The following GPHN variants were observed in gnomAD, a reference collection of about 807,000 sequenced individuals.
GPHN encodes the protein gephyrin.
Under a neutral mutation model 95.5 loss-of-function variants are expected in GPHN, and 17 were observed. The ratio of observed to expected loss-of-function variants is 0.18; its 90% CI spans 0.12 to 0.27. GPHN has a LOEUF of 0.27. Ranked by LOEUF, GPHN falls within the 10% of genes least tolerant of loss-of-function variation. The pLI, the probability that GPHN is intolerant of heterozygous loss-of-function variation, is 1.00. For synonymous variants in GPHN, 320 were observed against 322.5 expected (o/e 0.99, Z 0.08); for missense variants, 660 against 978.1 (o/e 0.67, Z 4.34).
chr14:67,217,317 C>T, the GPHN span, among the ~76,000 whole-genome samples: 6 of 152,172 alleles, frequency 3.9e-5, no homozygotes, highest in Non-Finnish European at 5.9e-5. Context: ...AAGTAAGTTT[C>T]ATGTAGGCAG....
intron 4 of GPHN, among the ~76,000 whole-genome samples, chr14:66,831,651 G>C (rs2153500111): frequency 6.6e-6 from 1 of 152,288 alleles, no homozygotes; most frequent in South Asian, 2.1e-4. Context: ...CTTAAGGCAA[G>C]TTGACCTGTT....
chr14:67,018,149 T>C lies in GPHN; in HGVS notation c.964-5484T>C, dbSNP rs142592746. On this transcript the variant is annotated intron_variant, in intron 9 of 22. Transcript: ENST00000478722. ...ATTATAAACTTCTATAAGTCCTATA[T>C]TAGAATTTCAAATAAGATGCCGTAA... Among the ~76,000 whole-genome samples the C allele has an allele frequency of 2.8e-4, 43 of 152,240 alleles. No individual in the cohort carries two copies. The East Asian group carries it at 6.0e-3, about 21-fold the overall frequency.
chr14:66,752,725 C>G (rs2058414562), intron 2 of GPHN, among the ~76,000 whole-genome samples: 1 of 151,912 alleles, frequency 6.6e-6, no homozygotes, highest in Admixed American at 6.6e-5. Context: ...TGAGCACATG[C>G]ACTTGGAAAA....
At chr14:67,312,743 T>A in the GPHN span, 1 of 1,427,242 alleles carries the variant, frequency 7.0e-7, no homozygotes, top group African/African-American at 1.4e-5. Flanking sequence ...GTACATAATA[T>A]TAAAAGAACA....
At chr14:67,126,789 A>G (rs1197573917) in intron 17 of GPHN, among the ~76,000 whole-genome samples, 2 of 151,874 alleles carry the variant, frequency 1.3e-5, no homozygotes, top group Admixed American at 6.6e-5. Context: ...ATAAAGACAC[A>G]TGCACACGTA....
At chr14:67,105,664 G>A (rs2077993327) in intron 13 of GPHN, among the ~76,000 whole-genome samples, 1 of 151,930 alleles carries the variant, frequency 6.6e-6, no homozygotes, top group Non-Finnish European at 1.5e-5. Context: ...ACCTGATTTT[G>A]GTTTCCATTT....
At chr14:67,291,045 T>G in the GPHN span, among the ~76,000 whole-genome samples, 5 of 152,120 alleles carry the variant, frequency 3.3e-5, no homozygotes, top group African/African-American at 9.7e-5. Context: ...ATAGAAACAG[T>G]GAAAGAAATC....
Position 66,642,559 on chromosome 14 carries a change from G to GTTTT in GPHN, c.65-38537_65-38534dup, listed in dbSNP as rs200424747. 4.3e-3 allele frequency among the ~76,000 whole-genome samples: 600 copies of GTTTT among 139,890 alleles called. 3 individuals carry two copies. The highest frequency in any genetic ancestry group is 9.3e-3 in the African/African-American group (362 of 38,834). The allele number at this position is 139,890 out of a possible 152,430, so 91.8% of individuals were successfully genotyped here. A position where few individuals can be genotyped will look rare whatever the true frequency, so the allele number is the denominator to read the frequency against. Reference sequence around the variant, plus strand: ...TCAGCAGGCAGACATTTTGATTTTTGTTTTTTTTTTTTTTGAAACTGGGAG... The same window carrying GTTTT: ...TCAGCAGGCAGACATTTTGATTTTTGTTTTTTTTTTTTTTTTTTGAAACTGGGAG... On this transcript the variant is annotated intron_variant, in intron 1 of 22. Coordinates refer to ENST00000478722, the MANE Select transcript of GPHN (RefSeq NM_020806.5).
chr14:67,656,574 G>C, the GPHN span: 1 of 1,606,910 alleles, frequency 6.2e-7, no homozygotes, highest in Non-Finnish European at 8.5e-7. Context: ...ATTGCCCTTT[G>C]AGACTGTAGC....
intron 1 of GPHN, among the ~76,000 whole-genome samples, chr14:66,673,364 A>G (rs932776753): frequency 2.0e-5 from 3 of 151,958 alleles, no homozygotes; most frequent in Non-Finnish European, 2.9e-5. Context: ...AGTGCCGGAA[A>G]TACAGGTGTG....
At chr14:66,922,517 A>G in intron 6 of GPHN, 149 bp from the exon 7 acceptor site, 1 of 635,788 alleles carries the variant, frequency 1.6e-6, no homozygotes, top group Non-Finnish European at 2.8e-6. Flanking sequence ...TTCATGGCAT[A>G]TTGCTAAGAC....
intron 11 of GPHN, among the ~76,000 whole-genome samples, chr14:67,084,363 C>A (rs1475416476): frequency 1.3e-5 from 2 of 152,102 alleles, no homozygotes; most frequent in Non-Finnish European, 2.9e-5. Context: ...CTCCCTTGAT[C>A]CTGTTTCATT....
At chr14:67,578,757 G>A in the GPHN span, 1 of 704,482 alleles carries the variant, frequency 1.4e-6, no homozygotes, top group Non-Finnish European at 2.6e-6. The surrounding 1 kb of genome is among the most constrained non-coding windows in gnomAD (Gnocchi z 5.0). Context: ...AGTGGTCGTG[G>A]AGACTTCACC....
chr14:67,396,787 A>G, the GPHN span, among the ~76,000 whole-genome samples: 25,515 of 135,690 alleles, frequency 0.19, no homozygotes, highest in African/African-American at 0.41. Flanking sequence ...CTGTGGCATC[A>G]TTGGAATGCC....
At chr14:67,464,237 G>C in the GPHN span, among the ~76,000 whole-genome samples, 1 of 152,132 alleles carries the variant, frequency 6.6e-6, no homozygotes, top group Non-Finnish European at 1.5e-5. Flanking sequence ...CCCGCTGACC[G>C]CAATCCATGA....
the GPHN span, among the ~76,000 whole-genome samples, chr14:67,682,834 C>T: frequency 1.1e-4 from 17 of 152,122 alleles, no homozygotes; most frequent in African/African-American, 4.1e-4. Context: ...ACCCAAATGC[C>T]CATCACCTGA....
chr14:66,804,187 A>G (rs569170294), intron 3 of GPHN, among the ~76,000 whole-genome samples: 3 of 152,220 alleles, frequency 2.0e-5, no homozygotes, highest in Admixed American at 1.3e-4. Context: ...CAATCCCATC[A>G]GGAATTGAGC....
chr14:66,743,508 G>T (rs953741902), intron 2 of GPHN, among the ~76,000 whole-genome samples: 10 of 152,020 alleles, frequency 6.6e-5, no homozygotes, highest in African/African-American at 2.4e-4. Context: ...AGGCCGAGGC[G>T]GGCGGATCAC....
the GPHN span, chr14:67,585,345 G>C: frequency 3.8e-6 from 2 of 530,422 alleles, no homozygotes; most frequent in African/African-American, 3.9e-5. Flanking sequence ...CCTTTGAGAT[G>C]GTTAGTAGGT....
Sources: allele counts gnomAD v4.1 joint callset (sites outside exome capture counted in the v4.1 genomes callset), GRCh38; gene constraint gnomAD v4.1.1; non-coding constraint Gnocchi (gnomAD v3.1); transcripts MANE v1.5; gene names NCBI Gene and HGNC (gene_info 2026-07-23, HGNC 2026-07-21).